INPP4B: variants seen among roughly 807,000 people sequenced by gnomAD.
INPP4B encodes the protein inositol polyphosphate 4-phosphatase type II.
A neutral mutation model predicts 122.5 loss-of-function variants in INPP4B; 55 were observed. The ratio of observed to expected loss-of-function variants is 0.45; its 90% CI spans 0.36 to 0.56. The LOEUF (loss-of-function observed/expected upper bound fraction) is 0.56, where lower values mean the gene tolerates loss of function less well. Ranked by LOEUF, INPP4B falls within the 20% of genes least tolerant of loss-of-function variation. INPP4B has a pLI of 0.00. For missense variants in INPP4B, 1,000 were observed against 1,097.7 expected (o/e 0.91, Z 1.26); for synonymous variants, 403 against 388.7 (o/e 1.04, Z -0.43).
At chr4:142,212,800 G>A (rs970110232) in intron 12 of INPP4B, among the ~76,000 whole-genome samples, 1 of 152,122 alleles carries the variant, frequency 6.6e-6, no homozygotes, top group African/African-American at 2.4e-5. Flanking sequence ...GTGGATCACT[G>A]CTACTGATTA....
At chr4:142,613,554 A>G (rs1743029562) in intron 2 of INPP4B, among the ~76,000 whole-genome samples, 1 of 152,202 alleles carries the variant, frequency 6.6e-6, no homozygotes, top group Admixed American at 6.5e-5. Context: ...TGGGAAATCT[A>G]AAATTCACAA....
intron 1 of INPP4B, among the ~76,000 whole-genome samples, chr4:142,774,751 C>A (rs1773591612): frequency 6.6e-6 from 1 of 152,004 alleles, no homozygotes; most frequent in South Asian, 2.1e-4. Flanking sequence ...TTTAGACTTA[C>A]AGAAAAATTG....
At chr4:142,547,801 A>C (rs866494917) in intron 2 of INPP4B, among the ~76,000 whole-genome samples, 27 of 152,280 alleles carry the variant, frequency 1.8e-4, no homozygotes, top group African/African-American at 6.5e-4. Context: ...TCTGTGGAAA[A>C]CAAATTTAGG....
chr4:142,765,769 T>A (rs1772023698), intron 1 of INPP4B: 1 of 152,064 alleles, frequency 6.6e-6, no homozygotes, highest in African/African-American at 2.4e-5. Flanking sequence ...GCATTATTTT[T>A]CTGATCATCA....
intron 9 of INPP4B, among the ~76,000 whole-genome samples, chr4:142,291,955 T>G (rs1029936010): frequency 6.6e-6 from 1 of 152,164 alleles, no homozygotes; most frequent in African/African-American, 2.4e-5. Context: ...ACCAGTAATA[T>G]TTGTTTTTAA....
intron 25 of INPP4B, among the ~76,000 whole-genome samples, chr4:142,041,549 C>T (rs914115530): frequency 3.3e-5 from 5 of 151,958 alleles, no homozygotes; most frequent in African/African-American, 4.8e-5. Flanking sequence ...ACCTGGGAGG[C>T]GGAGGTTGCA....
At chr4:142,506,635 G>A (rs34012230) in intron 2 of INPP4B, among the ~76,000 whole-genome samples, 1 of 152,154 alleles carries the variant, frequency 6.6e-6, no homozygotes, top group Non-Finnish European at 1.5e-5. Flanking sequence ...ACACAAGAGC[G>A]AAGTGGAGGA....
intron 9 of INPP4B, among the ~76,000 whole-genome samples, chr4:142,298,075 A>G (rs1759580551): frequency 6.6e-6 from 1 of 152,066 alleles, no homozygotes; most frequent in Non-Finnish European, 1.5e-5. Context: ...TGTTTCTACT[A>G]CCTCACATGC....
intron 18 of INPP4B, among the ~76,000 whole-genome samples, chr4:142,137,198 T>C (rs1162693404): frequency 6.6e-6 from 1 of 151,874 alleles, no homozygotes; most frequent in Non-Finnish European, 1.5e-5. Flanking sequence ...TATAGATCAA[T>C]GGAACAGAAC....
chr4:142,045,143 G>A (rs1213412415), intron 25 of INPP4B, among the ~76,000 whole-genome samples: 1 of 152,066 alleles, frequency 6.6e-6, no homozygotes, highest in Admixed American at 6.6e-5. Flanking sequence ...AAAGCCCAAT[G>A]TTATGAAAAT....
chr4:142,548,257 A>G (rs1727090979), intron 2 of INPP4B, among the ~76,000 whole-genome samples: 1 of 152,172 alleles, frequency 6.6e-6, no homozygotes. Context: ...TGAGAGAGTC[A>G]CAGACTCAAT....
At chr4:142,770,787 C>T (rs962721612) in intron 1 of INPP4B, among the ~76,000 whole-genome samples, 8 of 152,040 alleles carry the variant, frequency 5.3e-5, no homozygotes, top group African/African-American at 1.2e-4. Flanking sequence ...AGTGTGGTAT[C>T]CGCTTCCAAG....
chr4:142,594,930 G>A (rs535340795), intron 2 of INPP4B, among the ~76,000 whole-genome samples: 13 of 145,742 alleles, frequency 8.9e-5, no homozygotes, highest in African/African-American at 3.3e-4. Context: ...ACTCCAGCCT[G>A]GGCGACAGGG....
chr4:142,767,743 A>G (rs950093076), intron 1 of INPP4B: 2 of 152,134 alleles, frequency 1.3e-5, no homozygotes, highest in Non-Finnish European at 2.9e-5. Context: ...AAGCAATGGA[A>G]GTTTGACTCA....
At chr4:142,832,758 T>TCG (rs1449157154) in intron 1 of INPP4B, among the ~76,000 whole-genome samples, 29 of 147,692 alleles carry the variant, frequency 2.0e-4, no homozygotes, top group African/African-American at 7.4e-4. Flanking sequence ...CAGTCTCTAC[T>TCG]CCCCCCCCGC....
intron 2 of INPP4B, among the ~76,000 whole-genome samples, chr4:142,683,472 G>A (rs1259691021): frequency 6.6e-6 from 1 of 151,746 alleles, no homozygotes; most frequent in African/African-American, 2.4e-5. Flanking sequence ...GGCTTCCAAG[G>A]GCCATCAGAG....
At position 142,460,941 on chromosome 4, in the gene INPP4B, G is replaced by A. The variant is rs116097574; in HGVS notation, c.-127+1722C>T. Among the ~76,000 whole-genome samples, 679 of 151,638 alleles carry A rather than the reference G, an allele frequency of 4.5e-3. 5 individuals carry two copies. The highest frequency in any genetic ancestry group is 0.016 in the African/African-American group (652 of 41,434). On this transcript the variant is annotated intron_variant, in intron 3 of 25. Coordinates refer to ENST00000262992, the MANE Select transcript of INPP4B (RefSeq NM_001101669.3). ...CACCTATAATTCCAGCACTTTGGCA[G>A]GCCAAGATGGGTGGATCATTTGAGC... is the stretch of plus-strand genomic sequence containing the variant.
intron 15 of INPP4B, among the ~76,000 whole-genome samples, chr4:142,192,851 G>T (rs1000419456): frequency 1.3e-5 from 2 of 152,108 alleles, no homozygotes; most frequent in African/African-American, 4.8e-5. Flanking sequence ...TTAGTCATAT[G>T]ACTTCCAGAA....
chr4:142,072,437 C>G (rs180851673), intron 25 of INPP4B, among the ~76,000 whole-genome samples: 8 of 151,678 alleles, frequency 5.3e-5, no homozygotes, highest in Admixed American at 4.6e-4. Flanking sequence ...TGTAACTAAC[C>G]TGCACATTGT....
Sources: gnomAD v4.1 joint callset for allele counts (sites outside exome capture counted in the v4.1 genomes callset) on GRCh38, gnomAD v4.1.1 for gene constraint, MANE v1.5 for transcripts, NCBI Gene and HGNC (gene_info 2026-07-23, HGNC 2026-07-21) for gene names.